The following RASSF8 variants were observed in gnomAD, a reference collection of about 807,000 sequenced individuals.
RASSF8 encodes Ras association domain family member 8, also known as ras association domain-containing protein 8.
A neutral mutation model predicts 48.5 loss-of-function variants in RASSF8; 22 were observed. The observed-to-expected ratio is 0.45, with a 90% CI of 0.32 to 0.65. RASSF8 has a LOEUF of 0.65. Ranked by LOEUF, RASSF8 falls within the 30% of genes least tolerant of loss-of-function variation. The probability of loss-of-function intolerance (pLI) is 0.03; values close to 1 mark genes in which losing one functional copy is unlikely to be tolerated. For missense variants in RASSF8, 418 were observed against 489.2 expected (o/e 0.85, Z 1.37); for synonymous variants, 127 against 171.5 (o/e 0.74, Z 2.03).
At chr12:25,997,862 GTAA>G (rs1942168021) in intron 2 of RASSF8, among the ~76,000 whole-genome samples, 1 of 152,142 alleles carries the variant, frequency 6.6e-6, no homozygotes, top group Admixed American at 6.5e-5. Flanking sequence ...TAGAAGATGA[GTAA>G]TAATTTGCAT....
At chr12:26,039,963 A>C (rs1452339060) in intron 2 of RASSF8, among the ~76,000 whole-genome samples, 1 of 152,164 alleles carries the variant, frequency 6.6e-6, no homozygotes, top group East Asian at 1.9e-4. Flanking sequence ...TGAATGTCTG[A>C]CCCTGGTAAT....
chr12:26,015,427 G>C (rs912585835), intron 2 of RASSF8, among the ~76,000 whole-genome samples: 3 of 152,096 alleles, frequency 2.0e-5, no homozygotes, highest in Non-Finnish European at 1.5e-5. Context: ...GCTCTCTTCA[G>C]TTTTCTCCTC....
chr12:25,975,208 A>G (rs565477873), intron 1 of RASSF8, among the ~76,000 whole-genome samples: 2 of 152,304 alleles, frequency 1.3e-5, no homozygotes, highest in Admixed American at 1.3e-4. Context: ...CAGGTCCAAA[A>G]GCACAGGATA....
intron 3 of RASSF8, among the ~76,000 whole-genome samples, chr12:26,056,435 G>A (rs76415017): frequency 1.1e-4 from 16 of 152,206 alleles, no homozygotes; most frequent in African/African-American, 3.9e-4. Context: ...CTAAGAGGAA[G>A]CTGTGTGGCC....
intron 2 of RASSF8, among the ~76,000 whole-genome samples, chr12:26,039,650 CA>C (rs1943223452): frequency 6.6e-6 from 1 of 152,162 alleles, no homozygotes; most frequent in African/African-American, 2.4e-5. Flanking sequence ...GGTACATTAA[CA>C]GTACCAGTAG....
At position 26,065,261 on chromosome 12, in the gene RASSF8, A is replaced by G. The variant is rs778015681; in HGVS notation, c.867A>G (p.Glu289=). 9 of 1,614,186 alleles carry G rather than the reference A, an allele frequency of 5.6e-6. No individual in the cohort carries two copies. The highest frequency in any genetic ancestry group is 1.1e-5 in the South Asian group (1 of 91,080). Residue 289 remains glutamate, a synonymous_variant, in exon 4 of 6, where the codon GAA becomes GAG. Transcript: ENST00000689635. ...TTCAAGAGGCACAGGTCAATGAGGA[A>G]GAGGTTAAAGGAAAGATCGGTAAGG... ...REVQEAQVNE[E]EVKGKIGKVK...
intron 1 of RASSF8, among the ~76,000 whole-genome samples, chr12:25,980,337 T>A (rs888362647): frequency 6.6e-6 from 1 of 152,194 alleles, no homozygotes; most frequent in Non-Finnish European, 1.5e-5. Context: ...ATGCCATATA[T>A]ACAACAAAAT....
intron 2 of RASSF8, among the ~76,000 whole-genome samples, chr12:25,998,599 A>C (rs975049991): frequency 1.3e-5 from 2 of 152,058 alleles, no homozygotes; most frequent in African/African-American, 4.8e-5. Flanking sequence ...CGCCCACCTC[A>C]GCCTCCCAAA....
intron 2 of RASSF8, 98 bp downstream of exon 2, chr12:25,995,228 T>G (rs1312373691): frequency 6.6e-6 from 1 of 152,210 alleles, no homozygotes; most frequent in Non-Finnish European, 1.5e-5. Context: ...TTTGGGAGAC[T>G]TTTATAGATC....
At chr12:25,971,619 A>T (rs77000994) in intron 1 of RASSF8, among the ~76,000 whole-genome samples, 3,117 of 152,314 alleles carry the variant, frequency 0.02, 53 homozygotes, top group Non-Finnish European at 0.031. Context: ...CACCACTCTC[A>T]ACTGTTTCCA....
chr12:26,066,016 CA>C (rs2137309575), intron 4 of RASSF8, among the ~76,000 whole-genome samples: 1 of 152,252 alleles, frequency 6.6e-6, no homozygotes, highest in South Asian at 2.1e-4. Context: ...AAAGATGTAT[CA>C]AACAGTCTGT....
intron 2 of RASSF8, among the ~76,000 whole-genome samples, chr12:26,040,142 A>G (rs1407284812): frequency 1.3e-5 from 2 of 151,934 alleles, no homozygotes; most frequent in Non-Finnish European, 2.9e-5. Context: ...TGCCTTTTTA[A>G]TGGTTGAATC....
At chr12:25,981,859 CCTG>C (rs1481746516) in intron 1 of RASSF8, among the ~76,000 whole-genome samples, 1 of 152,154 alleles carries the variant, frequency 6.6e-6, no homozygotes, top group Non-Finnish European at 1.5e-5. Context: ...AGCCATCCTC[CCTG>C]TTAACTTTAA....
At chr12:26,004,665 G>A (rs988126540) in intron 2 of RASSF8, among the ~76,000 whole-genome samples, 1 of 152,162 alleles carries the variant, frequency 6.6e-6, no homozygotes, top group African/African-American at 2.4e-5. Context: ...TTACTATACA[G>A]TAAGTGGAAG....
At chr12:26,026,377 G>A (rs1942913601) in intron 2 of RASSF8, among the ~76,000 whole-genome samples, 1 of 152,208 alleles carries the variant, frequency 6.6e-6, no homozygotes, top group Non-Finnish European at 1.5e-5. Flanking sequence ...TTAGCCTTCA[G>A]AGAAATGAAA....
chr12:25,989,182 A>C (rs144813690), intron 1 of RASSF8, among the ~76,000 whole-genome samples: 1 of 152,308 alleles, frequency 6.6e-6, no homozygotes, highest in Non-Finnish European at 1.5e-5. Flanking sequence ...CTTAAAACTA[A>C]GGCCCAACCA....
At chr12:26,014,721 G>A (rs913834036) in intron 2 of RASSF8, among the ~76,000 whole-genome samples, 3 of 152,054 alleles carry the variant, frequency 2.0e-5, no homozygotes, top group African/African-American at 7.2e-5. Context: ...CAGAAACTTT[G>A]AAGTTTTCAT....
chr12:25,973,072 C>T (rs1592219573), intron 1 of RASSF8, among the ~76,000 whole-genome samples: 1 of 152,202 alleles, frequency 6.6e-6, no homozygotes, highest in Non-Finnish European at 1.5e-5. Flanking sequence ...CAGGGTCTCA[C>T]TCTGTTGTCC....
At chr12:26,057,529 G>A (rs1943633258) in intron 3 of RASSF8, among the ~76,000 whole-genome samples, 1 of 152,124 alleles carries the variant, frequency 6.6e-6, no homozygotes, top group Non-Finnish European at 1.5e-5. Flanking sequence ...GTCTATCATT[G>A]ATGGACACTT....
Sources: allele counts gnomAD v4.1 joint callset (sites outside exome capture counted in the v4.1 genomes callset), GRCh38; gene constraint gnomAD v4.1.1; transcripts MANE v1.5; gene names NCBI Gene and HGNC (gene_info 2026-07-23, HGNC 2026-07-21).